Variants in ACSM1 observed in about 807,000 individuals in gnomAD.
ACSM1 encodes the protein acyl-coenzyme A synthetase ACSM1, mitochondrial.
A neutral mutation model predicts 75.8 loss-of-function variants in ACSM1; 79 were observed. That is an observed-to-expected ratio of 1.04 (90% CI 0.87 to 1.26). ACSM1 has a LOEUF of 1.26. ACSM1 is among the 50% of genes most tolerant of loss of function. The pLI, the probability that ACSM1 is intolerant of heterozygous loss-of-function variation, is 0.00. For missense variants in ACSM1, 676 were observed against 720.1 expected (o/e 0.94, Z 0.70); for synonymous variants, 279 against 265.8 (o/e 1.05, Z -0.48).
chr16:20,651,043 G>A, intron 7 of ACSM1, among the ~76,000 whole-genome samples: 1 of 152,130 alleles, frequency 6.6e-6, no homozygotes, highest in East Asian at 1.9e-4. Context: ...GCATGTGTGT[G>A]CCTATTTAAA....
chr16:20,691,756 T>C (rs879649012), intron 1 of ACSM1, among the ~76,000 whole-genome samples: 1,367 of 20,928 alleles, frequency 0.065, 25 homozygotes, highest in South Asian at 0.14. Flanking sequence ...CTCCAATGTG[T>C]GTGTGTGTGT....
intron 13 of ACSM1, among the ~76,000 whole-genome samples, chr16:20,623,780 T>C (rs553266430): frequency 6.6e-6 from 1 of 152,230 alleles, no homozygotes; most frequent in East Asian, 1.9e-4. Flanking sequence ...CCAGGAGATG[T>C]GAGTGGAAGT....
chr16:20,659,862 C>T (rs2019203944), intron 7 of ACSM1, among the ~76,000 whole-genome samples: 1 of 152,158 alleles, frequency 6.6e-6, no homozygotes, highest in African/African-American at 2.4e-5. Context: ...TTCCTTTGAT[C>T]CCAGGTCTTC....
chr16:20,685,303 A>C lies in ACSM1; in HGVS notation c.293T>G (p.Val98Gly). The change falls in exon 3 of 14, where the codon GTA (valine) becomes GGA (glycine). Residue 98 changes from valine to glycine, a missense_variant. Val to Gly is a moderately radical substitution (Grantham distance 109). Transcript: ENST00000520010. ...ACAGGTCTGTGTGAAGACGTTGGCT[A>C]CACGGCGGGTTAGGTCTCCCATCTC... ...FREMGDLTRR[V>G]ANVFTQTCGL... 6.2e-7 allele frequency: 1 copy of C among 1,614,228 alleles called. No individual in the cohort carries two copies. The highest frequency in any genetic ancestry group is 2.2e-5 in the East Asian group (1 of 44,880).
chr16:20,663,242 G>A (rs2019387659), intron 6 of ACSM1, among the ~76,000 whole-genome samples: 1 of 152,088 alleles, frequency 6.6e-6, no homozygotes, highest in Admixed American at 6.6e-5. Flanking sequence ...TATTACATAT[G>A]CATCAAAGAA....
Position 20,682,385 on chromosome 16 carries a change from C to T in ACSM1, c.482G>A (p.Gly161Asp), listed in dbSNP as rs1357255900. 6.2e-7 allele frequency: 1 copy of T among 1,614,078 alleles called. No homozygotes were observed. Among genetic ancestry groups the T allele is most frequent in the Non-Finnish European group, 8.5e-7 (1 of 1,179,966 alleles). ...LYRLQLSKAK[G>D]IVTIDALASE... ...GGCAAGGGCATCTATGGTCACAATG[C>T]CCTTGGCTTTAGACAACTGTAGTCG... The change falls in exon 4 of 14, where the codon GGC becomes GAC. Residue 161 changes from glycine (G) to aspartate (D), a missense_variant. By Grantham distance (94) the Gly-to-Asp change is moderately conservative (BLOSUM62 -1). Transcript: ENST00000520010.
chr16:20,671,440 GACACACACACAC>G (rs55913255), intron 5 of ACSM1, 79 bp downstream of exon 5: 116 of 970,718 alleles, frequency 1.2e-4, no homozygotes, highest in East Asian at 7.5e-4. Flanking sequence ...CCTTTCCCAA[GACACACACACAC>G]ACACACACAC....
chr16:20,637,887 G>A (rs2017819380), intron 8 of ACSM1, among the ~76,000 whole-genome samples: 1 of 152,204 alleles, frequency 6.6e-6, no homozygotes, highest in Non-Finnish European at 1.5e-5. Context: ...CTTCTTGACT[G>A]ATCCTGATGC....
intron 4 of ACSM1, among the ~76,000 whole-genome samples, chr16:20,673,727 G>C (rs879724187): frequency 6.6e-6 from 1 of 151,810 alleles, no homozygotes; most frequent in African/African-American, 2.4e-5. Context: ...TTTTTCTTGG[G>C]GTCTTAAGTT....
intron 7 of ACSM1, among the ~76,000 whole-genome samples, chr16:20,655,709 C>A (rs982041402): frequency 6.6e-6 from 1 of 152,250 alleles, no homozygotes; most frequent in Admixed American, 6.5e-5. Context: ...GTCACCCAGG[C>A]TGGAGTGCAG....
intron 11 of ACSM1, 36 bp downstream of exon 11, chr16:20,627,153 G>A (rs1371208337): frequency 4.7e-6 from 7 of 1,492,542 alleles, no homozygotes; most frequent in Admixed American, 2.5e-5. Flanking sequence ...GGCATGTGAC[G>A]GCAACAACAG....
chr16:20,690,354 CTG>C (rs1289566301), intron 2 of ACSM1, among the ~76,000 whole-genome samples: 1 of 152,188 alleles, frequency 6.6e-6, no homozygotes, highest in Admixed American at 6.5e-5. Flanking sequence ...CTCTCTTGGT[CTG>C]TGTCTTGTGA....
At chr16:20,651,461 T>C (rs1269678625) in intron 7 of ACSM1, among the ~76,000 whole-genome samples, 2 of 151,750 alleles carry the variant, frequency 1.3e-5, no homozygotes, top group African/African-American at 4.8e-5. Context: ...AATCCCCATC[T>C]CTACTAAAAG....
intron 3 of ACSM1, among the ~76,000 whole-genome samples, chr16:20,683,032 C>A (rs1311331393): frequency 4.6e-5 from 7 of 152,176 alleles, no homozygotes; most frequent in African/African-American, 1.7e-4. Flanking sequence ...AGTTTTGAAT[C>A]TTCCTGCTAC....
intron 7 of ACSM1, among the ~76,000 whole-genome samples, chr16:20,661,160 T>A (rs1354765357): frequency 6.6e-6 from 1 of 152,110 alleles, no homozygotes; most frequent in African/African-American, 2.4e-5. Flanking sequence ...TACAGAAATG[T>A]CCATTAATGG....
rs777564170 is a variant in ACSM1 at position 20,671,675 on chromosome 16, C to A, written c.612-4G>T. 2.6e-6 allele frequency: 4 copies of A among 1,543,202 alleles called. No homozygotes were observed. In the Admixed American group the frequency reaches 8.2e-5, roughly 31 times the overall value. On this transcript the variant is annotated splice_region_variant and splice_polypyrimidine_tract_variant and intron_variant, in intron 4 of 13. Coordinates refer to ENST00000520010, the MANE Select transcript of ACSM1 (RefSeq NM_001318890.3). ...GGTGTGTTCTGGGGATGCTGATCTGCAAAGGGGTTCAAGACAAAAGGAAAA... is the reference window on the plus strand; with the variant it reads ...GGTGTGTTCTGGGGATGCTGATCTGAAAAGGGGTTCAAGACAAAAGGAAAA...
chr16:20,690,860 A>G, intron 2 of ACSM1, 137 bp downstream of exon 2: 1 of 796,726 alleles, frequency 1.3e-6, no homozygotes, highest in Non-Finnish European at 1.9e-6. Context: ...AGAACCTTGA[A>G]ATATAAGCTT....
At chr16:20,627,830 CT>C (rs2017049443) in intron 10 of ACSM1, among the ~76,000 whole-genome samples, 1 of 70,436 alleles carries the variant, frequency 1.4e-5, no homozygotes, top group Non-Finnish European at 2.4e-5. Flanking sequence ...CTTCATCTCT[CT>C]CTCTCTCTCT....
chr16:20,695,732 G>A (rs1254838815), intron 1 of ACSM1, among the ~76,000 whole-genome samples: 2 of 151,856 alleles, frequency 1.3e-5, no homozygotes, highest in Non-Finnish European at 2.9e-5. Flanking sequence ...ATCTCCAAGT[G>A]TTGAGGACTG....
Sources: gnomAD v4.1 joint callset for allele counts (sites outside exome capture counted in the v4.1 genomes callset) on GRCh38, gnomAD v4.1.1 for gene constraint, MANE v1.5 for transcripts, NCBI Gene and HGNC (gene_info 2026-07-23, HGNC 2026-07-21) for gene names.